The following CYBRD1 variants were observed in gnomAD, a reference collection of about 807,000 sequenced individuals.
CYBRD1 encodes the protein cytochrome b reductase 1.
CYBRD1 carries 14 observed loss-of-function variants against 21.9 expected under a neutral mutation model. That is an observed-to-expected ratio of 0.64 (90% CI 0.42 to 1.00). The LOEUF (loss-of-function observed/expected upper bound fraction) is 1.00, where lower values mean the gene tolerates loss of function less well. Ranked by LOEUF, CYBRD1 falls within the 50% of genes least tolerant of loss-of-function variation. The probability of loss-of-function intolerance (pLI) is 0.00; values close to 1 mark genes in which losing one functional copy is unlikely to be tolerated. For missense variants in CYBRD1, 328 were observed against 352.5 expected (o/e 0.93, Z 0.56); for synonymous variants, 146 against 136.5 (o/e 1.07, Z -0.48).
intron 2 of CYBRD1, among the ~76,000 whole-genome samples, chr2:171,545,766 A>G (rs1050619582): frequency 7.9e-5 from 12 of 152,096 alleles, no homozygotes; most frequent in African/African-American, 2.9e-4. Context: ...TGATAAAAGT[A>G]TACAATGGGT....
chr2:171,546,030 G>GATTCATATCT (rs1574441966), intron 2 of CYBRD1, among the ~76,000 whole-genome samples: 1 of 152,150 alleles, frequency 6.6e-6, no homozygotes, highest in Non-Finnish European at 1.5e-5. Flanking sequence ...GAAATATCCA[G>GATTCATATCT]ATTCATATCT....
chr2:171,539,387 G>A (rs925822630), intron 1 of CYBRD1, among the ~76,000 whole-genome samples: 1 of 152,186 alleles, frequency 6.6e-6, no homozygotes, highest in African/African-American at 2.4e-5. Context: ...AGGAGACTGA[G>A]GTGGGAGGAT....
intron 1 of CYBRD1, among the ~76,000 whole-genome samples, chr2:171,535,081 A>G (rs184142521): frequency 2.7e-4 from 41 of 152,258 alleles, no homozygotes; most frequent in South Asian, 6.2e-4. Flanking sequence ...ACATTTTATA[A>G]GCTAAAACTT....
chr2:171,534,336 T>C (rs1697516354), intron 1 of CYBRD1, among the ~76,000 whole-genome samples: 1 of 152,176 alleles, frequency 6.6e-6, no homozygotes, highest in Admixed American at 6.5e-5. Flanking sequence ...TTCCTTCTCA[T>C]TGAACCTCAG....
chr2:171,553,611 A>T (rs1683426194), intron 3 of CYBRD1, 111 bp downstream of exon 3: 2 of 981,984 alleles, frequency 2.0e-6, no homozygotes, highest in South Asian at 5.5e-5. Context: ...TATTAAAATT[A>T]AAAAATATTT....
At chr2:171,543,775 A>G (rs1011567534) in intron 2 of CYBRD1, among the ~76,000 whole-genome samples, 3 of 152,120 alleles carry the variant, frequency 2.0e-5, no homozygotes, top group Non-Finnish European at 4.4e-5. Context: ...TCTACTGATT[A>G]AACTGTATTG....
chr2:171,553,363 A>G lies in CYBRD1; in HGVS notation c.420A>G (p.Ser140=). The G allele has an allele frequency of 2.5e-6, 4 of 1,613,582 alleles. No individual in the cohort carries two copies. Among genetic ancestry groups the G allele is most frequent in the Non-Finnish European group, 3.4e-6 (4 of 1,179,666 alleles). The part of the protein sequence containing the change: ...CYLLQLLSGF[S]VFLLPWAPLS... ...GTGTTTAGCTTCTTTCAGGTTTTTC[A>G]GTCTTTCTGCTTCCATGGGCTCCGC... is the stretch of plus-strand genomic sequence containing the variant. The change falls in exon 3 of 4, where the codon TCA becomes TCG. Residue 140 remains serine (S), a synonymous_variant. Transcript: ENST00000321348.
chr2:171,543,174 T>C (rs1411701486), intron 2 of CYBRD1, among the ~76,000 whole-genome samples: 1 of 152,336 alleles, frequency 6.6e-6, no homozygotes, highest in East Asian at 1.9e-4. Context: ...GAAGTCCAGA[T>C]TGGCTTGTCT....
At position 171,555,011 on chromosome 2, in the gene CYBRD1, T is replaced by A; in HGVS notation, c.*184T>A. The A allele has an allele frequency of 3.1e-6, 2 of 655,624 alleles. No homozygotes were observed. The highest frequency in any genetic ancestry group is 5.2e-6 in the Non-Finnish European group (2 of 384,682). 40.6% of individuals were successfully genotyped at this position (655,624 alleles called of 1,614,324 possible). On this transcript the variant is annotated 3_prime_UTR_variant, in exon 4 of 4. Coordinates refer to ENST00000321348, the MANE Select transcript of CYBRD1 (RefSeq NM_024843.4). ...ATGAACTGACCTGAATTGGAAAGGA[T>A]GTGATTAATATAAATAATAGCAGAT...
intron 3 of CYBRD1, among the ~76,000 whole-genome samples, chr2:171,554,268 G>A (rs1374591095): frequency 6.6e-6 from 1 of 152,180 alleles, no homozygotes; most frequent in African/African-American, 2.4e-5. Context: ...ACCTGAGGTT[G>A]CCTGCCTCCA....
chr2:171,554,885 G>T lies in CYBRD1; in HGVS notation c.*58G>T. 1 of 1,573,198 alleles carries T rather than the reference G, an allele frequency of 6.4e-7. No homozygotes were observed. Among genetic ancestry groups the T allele is most frequent in the Non-Finnish European group, 8.7e-7 (1 of 1,147,944 alleles). ...GTTTCAAAACTAGCTCTACAGTTTT[G>T]CTTCTCCTATTAGCCATATGATAAT... On this transcript the variant is annotated 3_prime_UTR_variant, in exon 4 of 4. Coordinates refer to ENST00000321348, the MANE Select transcript of CYBRD1 (RefSeq NM_024843.4).
chr2:171,554,706 G>A lies in CYBRD1; in HGVS notation c.740G>A (p.Gly247Asp). Residue 247 changes from glycine to aspartate, a missense_variant, in exon 4 of 4, where the codon GGT becomes GAT. Gly to Asp is a moderately conservative substitution (Grantham distance 94). Transcript: ENST00000321348. ...GGAGGCACTGAACAGGGAGCAAGAGGTTCCATGCCAGCCTACTCTGGCAAC... is the reference window on the plus strand; with the variant it reads ...GGAGGCACTGAACAGGGAGCAAGAGATTCCATGCCAGCCTACTCTGGCAAC... ...PNGGTEQGARGSMPAYSGNNM... is the reference protein window; with the variant it reads ...PNGGTEQGARDSMPAYSGNNM... The A allele has an allele frequency of 1.2e-6, 2 of 1,614,022 alleles. No individual in the cohort carries two copies. Among genetic ancestry groups the A allele is most frequent in the South Asian group, 1.1e-5 (1 of 91,064 alleles).
intron 2 of CYBRD1, among the ~76,000 whole-genome samples, chr2:171,545,192 C>A (rs534785718): frequency 1.3e-4 from 19 of 150,818 alleles, no homozygotes; most frequent in Admixed American, 5.3e-4. Flanking sequence ...AAAGAGAATG[C>A]CTGCCAAAGG....
rs933646215 is a variant in CYBRD1, at chr2:171,531,044, T to A, written c.193+8306T>A. On this transcript the variant is annotated intron_variant, in intron 1 of 3. Transcript: ENST00000321348. ...CTGGTGTGTGTTGGTAAGTCCCAGCTACTCAGGAGGCTGAGGCTGGAAGAT... is the reference window on the plus strand; with the variant it reads ...CTGGTGTGTGTTGGTAAGTCCCAGCAACTCAGGAGGCTGAGGCTGGAAGAT... 2.7e-5 allele frequency among the ~76,000 whole-genome samples: 4 copies of A among 150,516 alleles called. No homozygotes were observed. In the East Asian group the frequency reaches 7.9e-4, roughly 30 times the overall value.
chr2:171,533,703 C>T (rs527320680), intron 1 of CYBRD1, among the ~76,000 whole-genome samples: 117 of 151,962 alleles, frequency 7.7e-4, no homozygotes, highest in Non-Finnish European at 1.4e-3. Context: ...TACATTTTCA[C>T]ATATTCCCAA....
intron 1 of CYBRD1, among the ~76,000 whole-genome samples, chr2:171,537,266 G>A (rs964763996): frequency 3.3e-5 from 5 of 152,108 alleles, no homozygotes; most frequent in Non-Finnish European, 4.4e-5. Context: ...TTACTATTGC[G>A]TGATCACACA....
chr2:171,528,793 A>C (rs1373672469), intron 1 of CYBRD1, among the ~76,000 whole-genome samples: 1 of 151,278 alleles, frequency 6.6e-6, no homozygotes, highest in Non-Finnish European at 1.5e-5. Flanking sequence ...TGCAAAACCA[A>C]CTCCTCCCAT....
chr2:171,536,079 A>AC (rs1282292474), intron 1 of CYBRD1, among the ~76,000 whole-genome samples: 1 of 143,598 alleles, frequency 7.0e-6, no homozygotes, highest in Non-Finnish European at 1.5e-5. Context: ...GCACATCAGA[A>AC]CCCCCCCAGC....
chr2:171,534,735 G>T (rs1323512146), intron 1 of CYBRD1, among the ~76,000 whole-genome samples: 1 of 152,112 alleles, frequency 6.6e-6, no homozygotes, highest in African/African-American at 2.4e-5. Flanking sequence ...AAGACTAATT[G>T]GCTAGTGGGT....
Sources: gnomAD v4.1 joint callset for allele counts (sites outside exome capture counted in the v4.1 genomes callset) on GRCh38, gnomAD v4.1.1 for gene constraint, MANE v1.5 for transcripts, NCBI Gene and HGNC (gene_info 2026-07-23, HGNC 2026-07-21) for gene names.